The following AK5 variants were observed in gnomAD, a reference collection of about 807,000 sequenced individuals.
The protein encoded by AK5 is adenylate kinase 5, also known as adenylate kinase isoenzyme 5.
In AK5, 27 loss-of-function variants were observed where a neutral mutation model predicts 69.5. The ratio of observed to expected loss-of-function variants is 0.39; its 90% confidence interval spans 0.29 to 0.54. AK5 has a LOEUF of 0.54. AK5 is among the 20% of genes least tolerant of loss of function. The probability of loss-of-function intolerance (pLI) is 0.71; values close to 1 mark genes in which losing one functional copy is unlikely to be tolerated. For missense variants in AK5, 531 were observed against 700.4 expected (o/e 0.76, Z 2.73); for synonymous variants, 260 against 244.4 (o/e 1.06, Z -0.60).
chr1:77,406,887 A>T (rs950975194), intron 6 of AK5, among the ~76,000 whole-genome samples: 4 of 152,136 alleles, frequency 2.6e-5, no homozygotes, highest in Admixed American at 1.3e-4. Flanking sequence ...CCAACCTAAC[A>T]AATCTTAAAA....
At chr1:77,310,803 G>A (rs1659906870) in intron 5 of AK5, among the ~76,000 whole-genome samples, 1 of 152,080 alleles carries the variant, frequency 6.6e-6, no homozygotes, top group Non-Finnish European at 1.5e-5. Context: ...TATGTATATA[G>A]ATTAATTTTA....
At chr1:77,413,961 A>G (rs1272583405) in intron 7 of AK5, among the ~76,000 whole-genome samples, 1 of 152,170 alleles carries the variant, frequency 6.6e-6, no homozygotes, top group Non-Finnish European at 1.5e-5. Context: ...AAGTAAATAC[A>G]GTGCTCTTCC....
At chr1:77,513,839 G>A (rs1570289134) in intron 10 of AK5, among the ~76,000 whole-genome samples, 1 of 152,202 alleles carries the variant, frequency 6.6e-6, no homozygotes, top group African/African-American at 2.4e-5. Flanking sequence ...TCACAGGAGA[G>A]GATTGCTCCT....
chr1:77,400,964 C>T (rs555894771), intron 6 of AK5, among the ~76,000 whole-genome samples: 5 of 142,810 alleles, frequency 3.5e-5, no homozygotes, highest in East Asian at 2.1e-4. Flanking sequence ...AAGTATGTTC[C>T]GCCAAGCTTG....
chr1:77,529,283 G>T (rs1486638467), intron 12 of AK5, among the ~76,000 whole-genome samples: 1 of 150,588 alleles, frequency 6.6e-6, no homozygotes, highest in Non-Finnish European at 1.5e-5. Context: ...CATTTCATTT[G>T]ATTAATTTTT....
In AK5 at chr1:77,411,062, G is replaced by A. The variant is rs1465842580; in HGVS notation, c.973G>A (p.Ala325Thr). 1 of 1,613,284 alleles carries A rather than the reference G, an allele frequency of 6.2e-7. No homozygotes were observed. Among genetic ancestry groups the A allele is most frequent in the South Asian group, 1.1e-5 (1 of 90,794 alleles). ...CAACAAGTTATTTCCAAACAAAGAG[G>A]CTGCAGCAGGTAAGTCACTGTGTCC... ...VDNKLFPNKE[A>T]AAGSSDLDPS... is the part of the protein sequence containing the mutation. Residue 325 changes from alanine to threonine, a missense_variant, in exon 7 of 14, where the codon GCT (alanine) becomes ACT (threonine). Ala to Thr is a moderately conservative substitution (Grantham distance 58, BLOSUM62 0). Transcript: ENST00000354567.
chr1:77,425,280 T>C (rs1250116995), intron 8 of AK5, among the ~76,000 whole-genome samples: 1 of 152,142 alleles, frequency 6.6e-6, no homozygotes, highest in African/African-American at 2.4e-5. Flanking sequence ...AAAGAACTTC[T>C]TTAAAGAAGA....
chr1:77,530,081 A>AAC (rs1436665781), intron 12 of AK5, among the ~76,000 whole-genome samples: 5 of 152,112 alleles, frequency 3.3e-5, no homozygotes, highest in Admixed American at 2.0e-4. Context: ...ATGAGCTCTT[A>AAC]ACACACACAC....
chr1:77,417,599 GACA>G (rs1557576740), intron 7 of AK5, 37 bp from the exon 8 acceptor site: 6 of 1,273,348 alleles, frequency 4.7e-6, no homozygotes, highest in Admixed American at 1.7e-5. Flanking sequence ...AACATACATA[GACA>G]ACCTCCATCC....
chr1:77,377,745 C>A (rs536788026), intron 6 of AK5, among the ~76,000 whole-genome samples: 2 of 152,160 alleles, frequency 1.3e-5, no homozygotes, highest in Admixed American at 1.3e-4. Context: ...GTTCCTTAAG[C>A]GGGTGATATA....
At chr1:77,488,109 A>T (rs1048296653) in intron 10 of AK5, among the ~76,000 whole-genome samples, 7 of 152,064 alleles carry the variant, frequency 4.6e-5, no homozygotes, top group Non-Finnish European at 7.4e-5. Context: ...GGGAGGTGAG[A>T]GGAGGCAAAG....
intron 8 of AK5, among the ~76,000 whole-genome samples, chr1:77,459,741 A>G (rs1007675326): frequency 6.6e-6 from 1 of 152,222 alleles, no homozygotes; most frequent in Non-Finnish European, 1.5e-5. Context: ...GGCTCATAGT[A>G]GAGCCTCAGT....
At chr1:77,310,383 AT>A (rs1312395465) in intron 5 of AK5, among the ~76,000 whole-genome samples, 4 of 150,408 alleles carry the variant, frequency 2.7e-5, no homozygotes, top group South Asian at 2.1e-4. Flanking sequence ...TTTGGTTTTT[AT>A]TTTTTTTTCT....
chr1:77,359,211 C>T (rs1038300536), intron 6 of AK5, among the ~76,000 whole-genome samples: 9 of 150,970 alleles, frequency 6.0e-5, no homozygotes, highest in African/African-American at 1.9e-4. Context: ...GCCGAGATTA[C>T]GCCACTGCAC....
At chr1:77,335,694 A>G (rs1661313291) in intron 5 of AK5, among the ~76,000 whole-genome samples, 1 of 152,266 alleles carries the variant, frequency 6.6e-6, no homozygotes, top group Non-Finnish European at 1.5e-5. Context: ...TCCCATGAGC[A>G]TCCTTATGGC....
intron 13 of AK5, among the ~76,000 whole-genome samples, chr1:77,542,648 T>C (rs1659338081): frequency 6.6e-6 from 1 of 152,222 alleles, no homozygotes; most frequent in Non-Finnish European, 1.5e-5. Context: ...TAAGTATAAG[T>C]AACAACTACA....
chr1:77,333,960 T>G (rs1661219005), intron 5 of AK5, among the ~76,000 whole-genome samples: 1 of 152,256 alleles, frequency 6.6e-6, no homozygotes, highest in South Asian at 2.1e-4. Context: ...TGTCTTTATT[T>G]GTAAATACCA....
At chr1:77,480,119 AGTGTGTGTGTGTGTGT>A (rs10618389) in intron 8 of AK5, among the ~76,000 whole-genome samples, 3 of 149,764 alleles carry the variant, frequency 2.0e-5, no homozygotes, top group South Asian at 4.2e-4. Flanking sequence ...ATTCACCCCG[AGTGTGTGTGTGTGTGT>A]GTGTGTGTGT....
chr1:77,472,246 G>A (rs762016039), intron 8 of AK5, among the ~76,000 whole-genome samples: 6 of 152,146 alleles, frequency 3.9e-5, no homozygotes, highest in African/African-American at 7.2e-5. Flanking sequence ...GTCACATGGG[G>A]CCCAGGCAGT....
Sources: gnomAD v4.1 joint callset for allele counts (sites outside exome capture counted in the v4.1 genomes callset) on GRCh38, gnomAD v4.1.1 for gene constraint, MANE v1.5 for transcripts, NCBI Gene and HGNC (gene_info 2026-07-23, HGNC 2026-07-21) for gene names.